TEX35: variants seen among roughly 807,000 people sequenced by gnomAD.
TEX35 encodes the protein testis-expressed protein 35.
In TEX35, 26 loss-of-function variants were observed where a neutral mutation model predicts 31.9. The observed-to-expected ratio is 0.81, with a 90% confidence interval of 0.60 to 1.13. TEX35 has a LOEUF of 1.13. Ranked by LOEUF, TEX35 falls within the 50% of genes most tolerant of loss-of-function variation. The pLI, the probability that TEX35 is intolerant of heterozygous loss-of-function variation, is 0.00. For missense variants in TEX35, 278 were observed against 273.5 expected (o/e 1.02, Z -0.12); for synonymous variants, 87 against 90.7 (o/e 0.96, Z 0.23).
Position 178,513,128 on chromosome 1 carries a change from A to C in TEX35, c.-61A>C. 6.3e-7 allele frequency: 1 copy of C among 1,582,190 alleles called. No individual in the cohort carries two copies. Among genetic ancestry groups the C allele is most frequent in the Admixed American group, 1.7e-5 (1 of 59,978 alleles). On this transcript the variant is annotated 5_prime_UTR_variant, in exon 1 of 9. Coordinates refer to ENST00000319416, the MANE Select transcript of TEX35 (RefSeq NM_032126.5). ...CACCTTGACCTGTAAGTTGCCTAGG[A>C]CAGTGGCCTGGTCCCAGGGGCTGTT... is the stretch of plus-strand genomic sequence containing the variant.
At chr1:178,521,903 A>G (rs1650299167) in intron 8 of TEX35, 1 of 1,360,708 alleles carries the variant, frequency 7.3e-7, no homozygotes, top group Non-Finnish European at 9.7e-7. Flanking sequence ...TCAGACTCCA[A>G]CCCTTCCCCC....
intron 3 of TEX35, 27 bp from the exon 4 acceptor site, chr1:178,515,832 C>T (rs752619177): frequency 5.7e-6 from 9 of 1,591,654 alleles, no homozygotes; most frequent in Non-Finnish European, 7.7e-6. Flanking sequence ...TTCTTTCCTC[C>T]TTCTCTTCTC....
chr1:178,518,342 A>C (rs1432345453), intron 5 of TEX35, among the ~76,000 whole-genome samples: 2 of 152,188 alleles, frequency 1.3e-5, no homozygotes, highest in East Asian at 3.8e-4. Flanking sequence ...TTGATTTGTC[A>C]ATTTCACTTC....
At chr1:178,518,125 T>G (rs1558038083) in intron 5 of TEX35, among the ~76,000 whole-genome samples, 1 of 152,016 alleles carries the variant, frequency 6.6e-6, no homozygotes, top group African/African-American at 2.4e-5. Context: ...AGAATATAAC[T>G]AAAAAGCAAT....
downstream of TEX35, chr1:178,522,744 T>C (rs12023718): frequency 0.13 from 111,422 of 889,078 alleles, 7,611 homozygotes; most frequent in African/African-American, 0.24. Flanking sequence ...GACAAAGTTA[T>C]GCAAGGTGAA....
At chr1:178,522,871 C>T (rs536956861), downstream of TEX35, among the ~76,000 whole-genome samples, 7 of 152,226 alleles carry the variant, frequency 4.6e-5, no homozygotes, top group East Asian at 1.4e-3. Context: ...CTGTAGTCAC[C>T]CTGTTGTGCT....
At chr1:178,521,477 T>C in intron 8 of TEX35, 1 of 1,031,324 alleles carries the variant, frequency 9.7e-7, no homozygotes, top group Non-Finnish European at 1.5e-6. Context: ...GGCTGCTGCC[T>C]GGGGCTCCCA....
At chr1:178,516,502 TC>T in intron 4 of TEX35, 112 bp from the exon 5 acceptor site, 1 of 859,572 alleles carries the variant, frequency 1.2e-6, no homozygotes, top group Non-Finnish European at 1.9e-6. Context: ...CCATTATTAG[TC>T]CATGCCAGAG....
intron 4 of TEX35, 37 bp from the exon 5 acceptor site, chr1:178,516,578 C>T (rs774814151): frequency 1.9e-6 from 3 of 1,584,492 alleles, no homozygotes; most frequent in African/African-American, 2.7e-5. Context: ...ATAACATGCT[C>T]TGTGCTTTGT....
chr1:178,519,163 A>T (rs922793329), intron 5 of TEX35, among the ~76,000 whole-genome samples: 9 of 152,172 alleles, frequency 5.9e-5, no homozygotes, highest in African/African-American at 1.9e-4. Context: ...GATGTCTGAC[A>T]GCAAGAACAC....
chr1:178,513,379 G>A, intron 1 of TEX35, 152 bp downstream of exon 1: 1 of 1,039,402 alleles, frequency 9.6e-7, no homozygotes, highest in Non-Finnish European at 1.4e-6. Flanking sequence ...CAGTCTGGAA[G>A]GGGTGTGGGA....
Position 178,516,677 on chromosome 1 carries a change from A to T in TEX35, c.276+3A>T, listed in dbSNP as rs1250497135. On this transcript the variant is annotated splice_donor_region_variant and intron_variant, in intron 5 of 8. Transcript: ENST00000319416. ...ACGAATTTGTGGAAATTATGAAGGTAAGCATTACTTGAGTGCCTTCCATGG... is the reference window on the plus strand; with the variant it reads ...ACGAATTTGTGGAAATTATGAAGGTTAGCATTACTTGAGTGCCTTCCATGG... 1.2e-6 allele frequency: 2 copies of T among 1,607,214 alleles called. No individual in the cohort carries two copies. The highest frequency in any genetic ancestry group is 1.7e-6 in the Non-Finnish European group (2 of 1,176,076).
At chr1:178,523,312 T>A (rs7527160), downstream of TEX35, 380,120 of 698,018 alleles carry the variant, frequency 0.54, 105,024 homozygotes, top group African/African-American at 0.69. Flanking sequence ...GTATATACGC[T>A]GCAGTGGGAC....
intron 5 of TEX35, among the ~76,000 whole-genome samples, chr1:178,517,458 G>A (rs1650119464): frequency 6.6e-6 from 1 of 152,190 alleles, no homozygotes; most frequent in Admixed American, 6.5e-5. Context: ...CTGTGGATGA[G>A]AACCAGGTCC....
Position 178,520,708 on chromosome 1 carries a change from T to C in TEX35, c.377T>C (p.Leu126Pro). The part of the protein sequence containing the change: ...LRRAPKEQQE[L>P]RLMGKTHREP... Reference sequence around the variant, plus strand: ...AGAGCACCAAAGGAGCAGCAGGAACTCAGGCTGATGGGAAAGACTCACAGA... The same window carrying C: ...AGAGCACCAAAGGAGCAGCAGGAACCCAGGCTGATGGGAAAGACTCACAGA... Residue 126 changes from leucine to proline, a missense_variant, in exon 7 of 9, where the codon CTC becomes CCC. Coordinates refer to ENST00000319416, the MANE Select transcript of TEX35 (RefSeq NM_032126.5). 1 of 1,613,822 alleles carries C rather than the reference T, an allele frequency of 6.2e-7. No individual in the cohort carries two copies. The highest frequency in any genetic ancestry group is 2.2e-5 in the East Asian group (1 of 44,846).
chr1:178,518,603 CAGCT>C (rs1050152592), intron 5 of TEX35, among the ~76,000 whole-genome samples: 8 of 152,090 alleles, frequency 5.3e-5, no homozygotes, highest in Middle Eastern at 3.4e-3. Flanking sequence ...AGGCTGATCT[CAGCT>C]AGGTTAAAAA....
At chr1:178,520,263 C>A in intron 5 of TEX35, 109 bp from the exon 6 acceptor site, 4 of 1,119,216 alleles carry the variant, frequency 3.6e-6, no homozygotes, top group Non-Finnish European at 3.9e-6. Context: ...CCAAGTCTAG[C>A]GAGGATTCTT....
At chr1:178,514,669 C>G (rs1285060222) in intron 2 of TEX35, 31 bp from the exon 3 acceptor site, 1 of 1,610,022 alleles carries the variant, frequency 6.2e-7, no homozygotes, top group East Asian at 2.2e-5. Context: ...CTGCAATTCC[C>G]AAAGGTCTGT....
At chr1:178,515,402 G>A (rs755661700) in intron 3 of TEX35, among the ~76,000 whole-genome samples, 2 of 151,184 alleles carry the variant, frequency 1.3e-5, no homozygotes, top group African/African-American at 2.4e-5. Flanking sequence ...CCTCGTCTGG[G>A]GACATTGACA....
Sources: allele counts gnomAD v4.1 joint callset (sites outside exome capture counted in the v4.1 genomes callset), GRCh38; gene constraint gnomAD v4.1.1; transcripts MANE v1.5; gene names NCBI Gene and HGNC (gene_info 2026-07-23, HGNC 2026-07-21).